Variants in PIK3C2G observed in about 807,000 individuals in gnomAD.
PIK3C2G encodes the protein phosphatidylinositol 3-kinase C2 domain-containing subunit gamma.
PIK3C2G carries 168 observed loss-of-function variants against 181.1 expected under a neutral mutation model. That is an observed-to-expected ratio of 0.93 (90% CI 0.82 to 1.05). The LOEUF is 1.05. Among genes scored for constraint, PIK3C2G ranks in the 50% least tolerant of loss-of-function variants. PIK3C2G has a pLI of 0.00. For synonymous variants in PIK3C2G, 573 were observed against 592.2 expected (o/e 0.97, Z 0.47); for missense variants, 1,869 against 1,732.8 (o/e 1.08, Z -1.40).
At chr12:18,264,753 T>G (rs1948407641) in intron 1 of PIK3C2G, among the ~76,000 whole-genome samples, 1 of 152,180 alleles carries the variant, frequency 6.6e-6, no homozygotes, top group Non-Finnish European at 1.5e-5. Context: ...TCTGATCTAT[T>G]TTTCTGAATA....
intron 8 of PIK3C2G, among the ~76,000 whole-genome samples, chr12:18,328,186 A>T (rs993106793): frequency 9.9e-5 from 15 of 151,960 alleles, no homozygotes; most frequent in African/African-American, 3.4e-4. Flanking sequence ...TTCATGAAAC[A>T]TCGATCTGGT....
chr12:18,441,382 T>C (rs1380311623), intron 18 of PIK3C2G, among the ~76,000 whole-genome samples: 3 of 152,162 alleles, frequency 2.0e-5, no homozygotes, highest in Non-Finnish European at 2.9e-5. Context: ...ACATGGTCTA[T>C]GAAAAGAGTG....
rs1948439986 is a variant in PIK3C2G at position 18,265,366 on chromosome 12, A to G, written c.-79+3789A>G. On this transcript the variant is annotated intron_variant, in intron 1 of 32. Transcript: ENST00000538779. The stretch of plus-strand genomic sequence containing the variant: ...TTTTTGTATGATTTATTGATAAACA[A>G]AAGGATTCAATCTTTAGCAGATGGA... Among the ~76,000 whole-genome samples the G allele has an allele frequency of 2.0e-5, 3 of 152,334 alleles. No homozygotes were observed. The South Asian group carries it at 6.2e-4, about 32-fold the overall frequency.
intron 5 of PIK3C2G, among the ~76,000 whole-genome samples, chr12:18,300,951 A>C (rs1001818440): frequency 1.3e-5 from 2 of 152,114 alleles, no homozygotes; most frequent in African/African-American, 4.8e-5. Flanking sequence ...TTCATTTGGC[A>C]AGTATAACTT....
chr12:18,384,673 A>C (rs936481036), intron 14 of PIK3C2G, among the ~76,000 whole-genome samples: 4 of 152,182 alleles, frequency 2.6e-5, no homozygotes, highest in African/African-American at 9.7e-5. Flanking sequence ...CTTTATCAAC[A>C]TAGATTTTAG....
At chr12:18,714,300 G>A in the PIK3C2G span, among the ~76,000 whole-genome samples, 9 of 152,154 alleles carry the variant, frequency 5.9e-5, no homozygotes, top group African/African-American at 2.2e-4. Context: ...GCTAATATGT[G>A]CCAACCACAG....
chr12:18,408,713 G>A (rs1388349718), intron 16 of PIK3C2G, among the ~76,000 whole-genome samples: 2 of 151,894 alleles, frequency 1.3e-5, no homozygotes, highest in Non-Finnish European at 2.9e-5. Flanking sequence ...CAAATTTAAA[G>A]AAAAAAGCAA....
At chr12:18,678,400 A>G in the PIK3C2G span, among the ~76,000 whole-genome samples, 1 of 152,038 alleles carries the variant, frequency 6.6e-6, no homozygotes, top group Non-Finnish European at 1.5e-5. Flanking sequence ...GAAGTATACA[A>G]TTTGATTCGT....
At chr12:18,682,621 A>G in the PIK3C2G span, among the ~76,000 whole-genome samples, 4 of 152,064 alleles carry the variant, frequency 2.6e-5, no homozygotes, top group Non-Finnish European at 5.9e-5. Context: ...CCAAGCATGT[A>G]AGTCCACACA....
chr12:18,709,580 G>T, the PIK3C2G span, among the ~76,000 whole-genome samples: 1 of 150,970 alleles, frequency 6.6e-6, no homozygotes, highest in African/African-American at 2.4e-5. Context: ...GATAAGAATT[G>T]CATTAAATCT....
intron 11 of PIK3C2G, among the ~76,000 whole-genome samples, chr12:18,354,301 A>G (rs1940504023): frequency 1.3e-5 from 2 of 152,224 alleles, no homozygotes; most frequent in South Asian, 4.1e-4. Context: ...TTGGAGGGGC[A>G]AGAGTGATAC....
At chr12:18,503,253 T>G (rs763982571) in intron 22 of PIK3C2G, 28 bp from the exon 23 acceptor site, 8 of 1,557,570 alleles carry the variant, frequency 5.1e-6, no homozygotes, top group Non-Finnish European at 7.0e-6. Flanking sequence ...GAAGGAATTG[T>G]CTCTGTAATC....
chr12:18,663,472 T>A, the PIK3C2G span, among the ~76,000 whole-genome samples: 1 of 152,096 alleles, frequency 6.6e-6, no homozygotes, highest in South Asian at 2.1e-4. Flanking sequence ...TATGCATAGG[T>A]TATATGCAAA....
chr12:18,346,075 C>T (rs13377712), intron 10 of PIK3C2G, among the ~76,000 whole-genome samples: 1 of 152,124 alleles, frequency 6.6e-6, no homozygotes, highest in Non-Finnish European at 1.5e-5. Context: ...TCAAGAAAGT[C>T]TTTGATTTTG....
chr12:18,451,506 C>T (rs1947360159), intron 18 of PIK3C2G, among the ~76,000 whole-genome samples: 1 of 152,120 alleles, frequency 6.6e-6, no homozygotes, highest in Non-Finnish European at 1.5e-5. Context: ...TAAATATAAT[C>T]ATGTCATCTG....
intron 18 of PIK3C2G, among the ~76,000 whole-genome samples, chr12:18,425,382 A>ATTTCTT (rs1945739267): frequency 1.0e-5 from 1 of 95,944 alleles, no homozygotes; most frequent in Non-Finnish European, 2.1e-5. Flanking sequence ...AAGGACAGAC[A>ATTTCTT]TTTCTTTTTT....
chr12:18,390,682 C>A (rs1171740345), intron 14 of PIK3C2G, among the ~76,000 whole-genome samples: 1 of 151,894 alleles, frequency 6.6e-6, no homozygotes, highest in Non-Finnish European at 1.5e-5. Context: ...AACTAGAGAT[C>A]AATATAGATT....
chr12:18,344,060 G>C (rs371102649), intron 10 of PIK3C2G, among the ~76,000 whole-genome samples: 4 of 152,064 alleles, frequency 2.6e-5, no homozygotes, highest in African/African-American at 9.7e-5. Context: ...CTTTGATCCC[G>C]TTATAGTAAT....
chr12:18,377,506 A>T (rs1429066582), intron 13 of PIK3C2G, among the ~76,000 whole-genome samples: 1 of 152,168 alleles, frequency 6.6e-6, no homozygotes, highest in Non-Finnish European at 1.5e-5. Flanking sequence ...AGCCTAACTG[A>T]CATCTTCCCA....
Sources: gnomAD v4.1 joint callset for allele counts (sites outside exome capture counted in the v4.1 genomes callset) on GRCh38, gnomAD v4.1.1 for gene constraint, MANE v1.5 for transcripts, NCBI Gene and HGNC (gene_info 2026-07-23, HGNC 2026-07-21) for gene names.